The following OSTC variants were observed in gnomAD, a reference collection of about 807,000 sequenced individuals.
The protein encoded by OSTC is oligosaccharyltransferase complex non-catalytic subunit, also known as oligosaccharyltransferase complex subunit OSTC.
OSTC carries 16 observed loss-of-function variants against 16.4 expected under a neutral mutation model. The observed-to-expected ratio is 0.98, with a 90% CI of 0.66 to 1.49. The LOEUF (loss-of-function observed/expected upper bound fraction) is 1.49, where lower values mean the gene tolerates loss of function less well. OSTC is among the 40% of genes most tolerant of loss of function. The pLI, the probability that OSTC is intolerant of heterozygous loss-of-function variation, is 0.00. For synonymous variants in OSTC, 67 were observed against 68.5 expected (o/e 0.98, Z 0.11); for missense variants, 139 against 186.3 (o/e 0.75, Z 1.48).
At chr4:108,664,998 G>C (rs761559562) in intron 3 of OSTC, among the ~76,000 whole-genome samples, 16 of 152,310 alleles carry the variant, frequency 1.1e-4, no homozygotes, top group Non-Finnish European at 2.2e-4. Context: ...TTTACTCAGA[G>C]TGTGTGGATT....
At chr4:108,657,917 C>CTTTTTTTTTTTT (rs70949037) in intron 3 of OSTC, among the ~76,000 whole-genome samples, 4 of 67,200 alleles carry the variant, frequency 6.0e-5, no homozygotes, top group African/African-American at 2.5e-4. Flanking sequence ...GTCATTGTTT[C>CTTTTTTTTTTTT]TTTTTTTTTT....
At chr4:108,666,330 A>G (rs922418445) in intron 3 of OSTC, among the ~76,000 whole-genome samples, 2 of 151,908 alleles carry the variant, frequency 1.3e-5, no homozygotes, top group Non-Finnish European at 2.9e-5. Flanking sequence ...ATTGATTCTG[A>G]CTCTTAACTT....
Position 108,650,613 on chromosome 4 carries a change from CGCGT to C in OSTC, c.-41_-38del. On this transcript the variant is annotated 5_prime_UTR_variant, in exon 1 of 4. Coordinates refer to ENST00000361564, the MANE Select transcript of OSTC (RefSeq NM_021227.4). ...GGAGGGCGGGCCTGTTTCCGGGAGG[CGCGT>C]GGGGCTTGAGGCCGAGAACGGCCCT... 6.2e-7 allele frequency: 1 copy of C among 1,607,156 alleles called. No homozygotes were observed. Among genetic ancestry groups the C allele is most frequent in the Non-Finnish European group, 8.5e-7 (1 of 1,175,634 alleles).
At chr4:108,652,496 A>G (rs1726583093) in intron 1 of OSTC, among the ~76,000 whole-genome samples, 1 of 152,056 alleles carries the variant, frequency 6.6e-6, no homozygotes, top group Non-Finnish European at 1.5e-5. Context: ...TCTATGAGGT[A>G]TCTTGTATGA....
chr4:108,663,099 G>A (rs1393537182), intron 3 of OSTC: 1 of 418,888 alleles, frequency 2.4e-6, no homozygotes, highest in South Asian at 1.8e-5. Context: ...CAATCATAAT[G>A]TAAGTGTTAA....
intron 3 of OSTC, among the ~76,000 whole-genome samples, chr4:108,666,625 C>T (rs755625776): frequency 2.2e-4 from 33 of 150,866 alleles, no homozygotes; most frequent in Non-Finnish European, 3.7e-4. Flanking sequence ...GCAGGAGAAT[C>T]GCTTGAACCC....
Position 108,657,518 on chromosome 4 carries a change from T to A in OSTC, c.302T>A (p.Phe101Tyr). ...CTATTTACAATGGGAGGTTTAGGTT[T>A]CATAATCCTGGACCGATCGAATGCA... ...SFLFTMGGLG[F>Y]IILDRSNAPN... The change falls in exon 3 of 4, where the codon TTC becomes TAC. Residue 101 changes from phenylalanine to tyrosine, a missense_variant. Physicochemically the swap from Phe to Tyr is conservative, Grantham distance 22. Transcript: ENST00000361564. 6.2e-7 allele frequency: 1 copy of A among 1,613,762 alleles called. No homozygotes were observed. The highest frequency in any genetic ancestry group is 8.5e-7 in the Non-Finnish European group (1 of 1,179,710).
chr4:108,661,690 C>T (rs1321814622), intron 3 of OSTC, among the ~76,000 whole-genome samples: 1 of 152,172 alleles, frequency 6.6e-6, no homozygotes, highest in Non-Finnish European at 1.5e-5. Context: ...CTCCGCCTCC[C>T]AGGTTCAAGC....
In OSTC at chr4:108,650,745, C is replaced by T. The variant is rs779796400; in HGVS notation, c.90C>T (p.Ala30=). The change falls in exon 1 of 4, where the codon GCC becomes GCT. Residue 30 remains alanine, a synonymous_variant. Coordinates refer to ENST00000361564, the MANE Select transcript of OSTC (RefSeq NM_021227.4). ...KKPPWLHMPS[A]MTVYALVVVS... ...CGCCCTGGTTGCACATGCCGTCGGCCATGACTGTGTATGCTCTGGTGGTGG... is the reference window on the plus strand; with the variant it reads ...CGCCCTGGTTGCACATGCCGTCGGCTATGACTGTGTATGCTCTGGTGGTGG... 23 of 1,614,098 alleles carry T rather than the reference C, an allele frequency of 1.4e-5. No homozygotes were observed. The highest frequency in any genetic ancestry group is 1.9e-5 in the Non-Finnish European group (22 of 1,180,048).
At chr4:108,657,167 G>A (rs1279265056) in intron 2 of OSTC, among the ~76,000 whole-genome samples, 1 of 151,818 alleles carries the variant, frequency 6.6e-6, no homozygotes, top group East Asian at 1.9e-4. Flanking sequence ...GAGGTTTTAC[G>A]ACATTTTTTG....
At chr4:108,661,078 C>T (rs1001043200) in intron 3 of OSTC, among the ~76,000 whole-genome samples, 5 of 151,674 alleles carry the variant, frequency 3.3e-5, no homozygotes, top group Admixed American at 6.6e-5. Context: ...ATTAGCTGGG[C>T]GTGGTAGTGC....
intron 2 of OSTC, among the ~76,000 whole-genome samples, chr4:108,656,059 C>T (rs995912171): frequency 6.6e-6 from 1 of 151,960 alleles, no homozygotes; most frequent in Non-Finnish European, 1.5e-5. Flanking sequence ...TGACACAAAC[C>T]ATATACCCCA....
intron 1 of OSTC, 133 bp from the exon 2 acceptor site, chr4:108,655,431 A>T: frequency 1.9e-6 from 1 of 527,334 alleles, no homozygotes. Context: ...GCGCCACTGC[A>T]CTCTCAACCT....
chr4:108,655,942 CTT>C (rs939199344), intron 2 of OSTC, among the ~76,000 whole-genome samples: 3 of 151,252 alleles, frequency 2.0e-5, no homozygotes, highest in Admixed American at 2.0e-4. Flanking sequence ...ACTATAGCTG[CTT>C]TTTTTTTCTT....
Position 108,655,565 on chromosome 4 carries a change from A to T in OSTC, c.141A>T (p.Gly47=). ...TCTGTTCTGTTGTCTTTCTTATAGG[A>T]ATAATTTATGATGTTATTGTTGAAC... is the stretch of plus-strand genomic sequence containing the variant. ...VVVSYFLITG[G]IIYDVIVEPP... Residue 47 remains glycine (G), a splice_region_variant and synonymous_variant, in exon 2 of 4, where the codon GGA becomes GGT. Transcript: ENST00000361564. 6.4e-7 allele frequency: 1 copy of T among 1,570,056 alleles called. No individual in the cohort carries two copies. Among genetic ancestry groups the T allele is most frequent in the Non-Finnish European group, 8.8e-7 (1 of 1,142,140 alleles).
At chr4:108,663,993 A>T (rs911371843) in intron 3 of OSTC, among the ~76,000 whole-genome samples, 5 of 152,318 alleles carry the variant, frequency 3.3e-5, no homozygotes, top group African/African-American at 1.2e-4. Flanking sequence ...TTCTGGGTCA[A>T]GAGAGGGGGC....
At chr4:108,656,069 A>G (rs2575612) in intron 2 of OSTC, among the ~76,000 whole-genome samples, 152,206 of 152,230 alleles carry the variant, frequency 1, 76,091 homozygotes, top group Middle Eastern at 1. Context: ...CATATACCCC[A>G]CAAGCCTAAG....
In OSTC at chr4:108,667,318, T is replaced by G. The variant is rs1274689172; in HGVS notation, c.*53T>G. The G allele has an allele frequency of 6.7e-7, 1 of 1,490,716 alleles. No individual in the cohort carries two copies. 92.3% of individuals were successfully genotyped at this position (1,490,716 alleles called of 1,614,324 possible). ...ACTGGATTTGCTCCTGTCAATGAAGTTTTAAAGGCTGTACCAATCCTCTAA... is the reference window on the plus strand; with the variant it reads ...ACTGGATTTGCTCCTGTCAATGAAGGTTTAAAGGCTGTACCAATCCTCTAA... On this transcript the variant is annotated 3_prime_UTR_variant, in exon 4 of 4. Coordinates refer to ENST00000361564, the MANE Select transcript of OSTC (RefSeq NM_021227.4).
At chr4:108,658,637 A>G (rs971787346) in intron 3 of OSTC, among the ~76,000 whole-genome samples, 1 of 152,198 alleles carries the variant, frequency 6.6e-6, no homozygotes, top group African/African-American at 2.4e-5. Context: ...TAGTAACTAC[A>G]GTAACGACAG....
Sources: gnomAD v4.1 joint callset for allele counts (sites outside exome capture counted in the v4.1 genomes callset) on GRCh38, gnomAD v4.1.1 for gene constraint, MANE v1.5 for transcripts, NCBI Gene and HGNC (gene_info 2026-07-23, HGNC 2026-07-21) for gene names.